The following FAM98A variants were observed in gnomAD, a reference collection of about 807,000 sequenced individuals.
The protein encoded by FAM98A is tRNA splicing ligase complex subunit 3A.
In FAM98A, 25 loss-of-function variants were observed where a neutral mutation model predicts 62.9. The observed-to-expected ratio is 0.40, with a 90% CI of 0.29 to 0.56. The LOEUF is 0.56. Among genes scored for constraint, FAM98A ranks in the 20% least tolerant of loss-of-function variants. The probability of loss-of-function intolerance (pLI) is 0.51; values close to 1 mark genes in which losing one functional copy is unlikely to be tolerated. For missense variants in FAM98A, 653 were observed against 640.7 expected, an observed-to-expected ratio of 1.02 and a Z score of -0.21; for synonymous variants, 252 against 228.6, an observed-to-expected ratio of 1.10 and a Z score of -0.92.
At chr2:33,589,275 G>A (rs914704446) in intron 3 of FAM98A, 17 of 152,242 alleles carry the variant, frequency 1.1e-4, no homozygotes, top group African/African-American at 3.8e-4. Flanking sequence ...TATAATGGGG[G>A]CTGCAATCTG....
At position 33,595,655 on chromosome 2, in the gene FAM98A, A is replaced by C. The variant is rs200070735; in HGVS notation, c.54-18T>G. The C allele has an allele frequency of 1.3e-4, 199 of 1,561,384 alleles. 1 individual carries two copies. In the African/African-American group the frequency reaches 2.6e-3, roughly 20 times the overall value. On this transcript the variant is annotated intron_variant, in intron 1 of 7. Transcript: ENST00000238823. ...CCTTGTAACTGGTGAGCAAGAAATT[A>C]CATTTCAGAAGAAAATACAATCATA...
At chr2:33,593,231 C>T (rs942839816) in intron 2 of FAM98A, among the ~76,000 whole-genome samples, 5 of 152,118 alleles carry the variant, frequency 3.3e-5, no homozygotes, top group African/African-American at 1.2e-4. Context: ...TGGCAAAACC[C>T]CGTCTCTAAG....
intron 4 of FAM98A, 37 bp downstream of exon 4, chr2:33,588,298 C>T (rs376329579): frequency 1.7e-5 from 26 of 1,492,778 alleles, no homozygotes; most frequent in African/African-American, 2.8e-5. Flanking sequence ...TAGGACTATG[C>T]CTTTAATACA....
chr2:33,589,753 T>C (rs1677630884), intron 3 of FAM98A: 4 of 152,198 alleles, frequency 2.6e-5, no homozygotes, highest in Admixed American at 2.0e-4. Context: ...CCACTGTTTT[T>C]GTACATAAGG....
rs914281547 is a variant in FAM98A at position 33,595,543 on chromosome 2, C to T, written c.148G>A (p.Val50Met). 1.9e-6 allele frequency: 3 copies of T among 1,610,904 alleles called. No individual in the cohort carries two copies. The highest frequency in any genetic ancestry group is 1.3e-5 in the African/African-American group (1 of 74,626). The part of the protein sequence containing the change: ...PEFTKLCAWL[V>M]SELRVLCKLE... ...TTACAGAGCACTCTTAATTCAGACA[C>T]CAGCCAAGCACAGAGTTTGGTAAAC... The change falls in exon 2 of 8, where the codon GTG becomes ATG. Residue 50 changes from valine (V) to methionine (M), a missense_variant. Transcript: ENST00000238823.
chr2:33,587,081 G>A (rs1677572969), intron 5 of FAM98A, among the ~76,000 whole-genome samples, 159 bp downstream of exon 5: 1 of 152,148 alleles, frequency 6.6e-6, no homozygotes, highest in African/African-American at 2.4e-5. Flanking sequence ...AAAATATTCT[G>A]CAGAAATCCT....
In FAM98A at chr2:33,586,658, G is replaced by C. The variant is rs750533093; in HGVS notation, c.624C>G (p.Asn208Lys). ...CTTCATATTCATTGGCTATGGCTTGGTTAATTGCTTCTATCTTTTCCTGAA... is the reference window on the plus strand; with the variant it reads ...CTTCATATTCATTGGCTATGGCTTGCTTAATTGCTTCTATCTTTTCCTGAA... ...PAHWEKIEAINQAIANEYEVR... is the reference protein window; with the variant it reads ...PAHWEKIEAIKQAIANEYEVR... The change falls in exon 6 of 8, where the codon AAC becomes AAG. Residue 208 changes from asparagine to lysine, a missense_variant. Transcript: ENST00000238823. The C allele has an allele frequency of 6.2e-7, 1 of 1,612,104 alleles. No individual in the cohort carries two copies. The highest frequency in any genetic ancestry group is 8.5e-7 in the Non-Finnish European group (1 of 1,178,276).
rs144496947 is a variant in FAM98A, at chr2:33,593,035, T to C, written c.203-821A>G. ...CCTTGCTCCTTGATGAAACCTTCCT[T>C]GTACTTGGCTGAAACTTCACCCTCG... On this transcript the variant is annotated intron_variant, in intron 2 of 7. Transcript: ENST00000238823. Among the ~76,000 whole-genome samples, 523 of 152,308 alleles carry C rather than the reference T, an allele frequency of 3.4e-3. 1 individual carries two copies. The highest frequency in any genetic ancestry group is 5.0e-3 in the Non-Finnish European group (339 of 68,026).
intron 2 of FAM98A, 139 bp downstream of exon 2, chr2:33,595,350 A>G: frequency 1.6e-6 from 1 of 642,986 alleles, no homozygotes; most frequent in Non-Finnish European, 2.4e-6. Flanking sequence ...CAACGGACGG[A>G]AAAAAAATCT....
chr2:33,587,303 T>G lies in FAM98A; in HGVS notation c.540A>C (p.Ala180=). Residue 180 remains alanine, a synonymous_variant, in exon 5 of 8, where the codon GCA becomes GCC. Transcript: ENST00000238823. ...GIEKKLKETL[A]KVPPNHVGKP... is the part of the protein sequence containing the mutation. The stretch of plus-strand genomic sequence containing the variant: ...TTCCCACATGATTAGGTGGAACTTT[T>G]GCTAATGTTTCCTTTAACTGACACA... The G allele has an allele frequency of 1.9e-6, 3 of 1,613,166 alleles. No individual in the cohort carries two copies. Among genetic ancestry groups the G allele is most frequent in the African/African-American group, 1.3e-5 (1 of 75,042 alleles).
chr2:33,590,884 G>A (rs1677657129), intron 3 of FAM98A, among the ~76,000 whole-genome samples: 1 of 152,130 alleles, frequency 6.6e-6, no homozygotes, highest in Non-Finnish European at 1.5e-5. Context: ...AGGGTCATTA[G>A]TAAGCATTCC....
Position 33,588,450 on chromosome 2 carries a change from TC to T in FAM98A, c.406del (p.Glu136LysfsTer11). On this transcript the variant is annotated frameshift_variant, in exon 4 of 8. Coordinates refer to ENST00000238823, the MANE Select transcript of FAM98A (RefSeq NM_015475.5). LOFTEE classifies it high-confidence loss of function. ...TTGAAAGACCTCACTACCGCCTCCT[TC>T]TTGAGCTTTTTTTGGAGGAGCATTC... ...CVNAPPKKAQ[E>X]GGGSEVFQEL... 1 of 1,613,806 alleles carries T rather than the reference TC, an allele frequency of 6.2e-7. No homozygotes were observed. The highest frequency in any genetic ancestry group is 8.5e-7 in the Non-Finnish European group (1 of 1,179,812).
In FAM98A at chr2:33,588,605, G is replaced by A. The variant is rs892382293; in HGVS notation, c.338-86C>T. The A allele has an allele frequency of 5.0e-5, 48 of 951,616 alleles. No individual in the cohort carries two copies. In the Admixed American group the frequency reaches 1.3e-3, roughly 25 times the overall value. 58.9% of individuals were successfully genotyped at this position (951,616 alleles called of 1,614,324 possible). ...GGAGTCACAACTATATAGACCTATT[G>A]ATATGTAACTGTTAAAGCTGCAAGA... On this transcript the variant is annotated intron_variant, in intron 3 of 7. Transcript: ENST00000238823.
intron 1 of FAM98A, among the ~76,000 whole-genome samples, chr2:33,596,190 A>C (rs970714267): frequency 2.0e-5 from 3 of 152,052 alleles, no homozygotes; most frequent in Non-Finnish European, 4.4e-5. Context: ...GGGTCTTACT[A>C]TGTTGCCCAG....
In FAM98A at chr2:33,586,629, C is replaced by T. The variant is rs746340280; in HGVS notation, c.653G>A (p.Arg218Gln). The change falls in exon 6 of 8, where the codon CGG becomes CAG. Residue 218 changes from arginine (R) to glutamine (Q), a missense_variant. Arg to Gln is a conservative substitution (Grantham distance 43). Coordinates refer to ENST00000238823, the MANE Select transcript of FAM98A (RefSeq NM_015475.5). ...NQAIANEYEVRRKLLIKRLDV... is the reference protein window; with the variant it reads ...NQAIANEYEVQRKLLIKRLDV... ...CAAACGTTTTATTAGCAGCTTTCTCCGGACTTCATATTCATTGGCTATGGC... is the reference window on the plus strand; with the variant it reads ...CAAACGTTTTATTAGCAGCTTTCTCTGGACTTCATATTCATTGGCTATGGC... 7 of 1,613,700 alleles carry T rather than the reference C, an allele frequency of 4.3e-6. No individual in the cohort carries two copies. Among genetic ancestry groups the T allele is most frequent in the Admixed American group, 1.7e-5 (1 of 59,990 alleles).
Position 33,587,246 on chromosome 2 carries a change from G to A in FAM98A, c.597C>T (p.Ala199=). 6.2e-7 allele frequency: 1 copy of A among 1,603,432 alleles called. No individual in the cohort carries two copies. The highest frequency in any genetic ancestry group is 8.5e-7 in the Non-Finnish European group (1 of 1,170,386). The change falls in exon 5 of 8, where the codon GCC becomes GCT. Residue 199 remains alanine, a synonymous_variant. Coordinates refer to ENST00000238823, the MANE Select transcript of FAM98A (RefSeq NM_015475.5). ...CAAGATGATTACTACTCACCCAGTG[G>A]GCTGGTCCCATTGGCTTCTTCAGTA... ...KPLLKKPMGP[A]HWEKIEAINQ...
intron 3 of FAM98A, among the ~76,000 whole-genome samples, chr2:33,591,614 A>G (rs1677672538): frequency 6.6e-6 from 1 of 152,240 alleles, no homozygotes; most frequent in African/African-American, 2.4e-5. Flanking sequence ...ACAAAGAAAT[A>G]GCAACAAGAC....
chr2:33,595,400 A>G, intron 2 of FAM98A, 89 bp downstream of exon 2: 1 of 1,160,390 alleles, frequency 8.6e-7, no homozygotes, highest in South Asian at 1.8e-5. Context: ...AAAAACTTGC[A>G]ACTTTCAGCT....
intron 5 of FAM98A, among the ~76,000 whole-genome samples, 182 bp downstream of exon 5, chr2:33,587,058 T>G (rs1677572576): frequency 6.6e-6 from 1 of 152,204 alleles, no homozygotes; most frequent in Non-Finnish European, 1.5e-5. Flanking sequence ...GTGCTTCTAA[T>G]CTTACACAAA....
Sources: allele counts gnomAD v4.1 joint callset (sites outside exome capture counted in the v4.1 genomes callset), GRCh38; gene constraint gnomAD v4.1.1; transcripts MANE v1.5; gene names NCBI Gene and HGNC (gene_info 2026-07-23, HGNC 2026-07-21).